Variants in AR observed in about 807,000 individuals in gnomAD.
AR encodes the protein dihydrotestosterone receptor.
AR carries 8 observed loss-of-function variants against 53.9 expected under a neutral mutation model. The observed-to-expected ratio is 0.15, with a 90% CI of 0.09 to 0.27. The LOEUF (loss-of-function observed/expected upper bound fraction) is 0.27. Ranked by LOEUF, AR falls within the 10% of genes least tolerant of loss-of-function variation. The probability of loss-of-function intolerance (pLI) is 1.00; values close to 1 mark genes in which losing one functional copy is unlikely to be tolerated. For missense variants in AR, 639 were observed against 742.5 expected (o/e 0.86, Z 1.62); for synonymous variants, 359 against 316.4 (o/e 1.13, Z -1.43).
intron 1 of AR, among the ~76,000 whole-genome samples, chrX:67,604,677 G>A (rs1214150997): frequency 9.0e-6 from 1 of 111,435 alleles, no homozygotes; most frequent in East Asian, 2.8e-4. Context: ...CAAACTTACT[G>A]AGGTTCAAGA....
chrX:67,690,273 T>G (rs1025166460), intron 3 of AR, among the ~76,000 whole-genome samples: 3 of 112,089 alleles, frequency 2.7e-5, no homozygotes, highest in Non-Finnish European at 3.8e-5. Context: ...AAACTTAACA[T>G]ATCTACAGGT....
At chrX:67,648,414 A>G (rs1926156735) in intron 2 of AR, among the ~76,000 whole-genome samples, 2 of 110,697 alleles carry the variant, frequency 1.8e-5, no homozygotes, top group Admixed American at 1.9e-4. Flanking sequence ...GGCTTTGGGG[A>G]CTCTCTGGTA....
Position 67,695,514 on chromosome X carries a change from C to A in AR, c.1885+9388C>A, listed in dbSNP as rs961948276. 6 of 751,940 alleles carry A rather than the reference C, an allele frequency of 8.0e-6. No individual in the cohort carries two copies. The African/African-American group carries it at 1.4e-4, about 17-fold the overall frequency. The allele number at this position is 751,940 out of a possible 1,213,427, so 62.0% of individuals were successfully genotyped here. ...CTTCATCAGTTGTAAGCCTCTCATT[C>A]TTCTCCCAAGCCAGACTCAAATATT... On this transcript the variant is annotated intron_variant, in intron 3 of 7. Coordinates refer to ENST00000374690, the MANE Select transcript of AR (RefSeq NM_000044.6).
Position 67,612,433 on chromosome X carries a change from A to G in AR, c.1617-30823A>G, listed in dbSNP as rs143478414. Reference sequence around the variant, plus strand: ...TATGCACTGTAGTCACTTGACCTCTAGCACCTATGCAGTCTTCCAGTCTTA... The same window carrying G: ...TATGCACTGTAGTCACTTGACCTCTGGCACCTATGCAGTCTTCCAGTCTTA... On this transcript the variant is annotated intron_variant, in intron 1 of 7. Coordinates refer to ENST00000374690, the MANE Select transcript of AR (RefSeq NM_000044.6). Among the ~76,000 whole-genome samples the G allele has an allele frequency of 7.2e-3, 807 of 112,470 alleles. 2 individuals are homozygous for G. The highest frequency in any genetic ancestry group is 0.019 in the Middle Eastern group (4 of 216).
In AR at chrX:67,556,243, G is replaced by A. The variant is rs760492105; in HGVS notation, c.1616+9481G>A. 2.7e-5 allele frequency among the ~76,000 whole-genome samples: 3 copies of A among 111,945 alleles called. No homozygotes were observed. In the East Asian group the frequency reaches 8.5e-4, roughly 32 times the overall value. Reference sequence around the variant, plus strand: ...GTTTACAATCAAACAGCTTCAAAGTGACTGATCTGGAATTTCAGTCCCATT... The same window carrying A: ...GTTTACAATCAAACAGCTTCAAAGTAACTGATCTGGAATTTCAGTCCCATT... On this transcript the variant is annotated intron_variant, in intron 1 of 7. Transcript: ENST00000374690.
At position 67,729,738 on chromosome X, in the gene AR, A is replaced by T; in HGVS notation, c.*5897A>T. The T allele has an allele frequency of 5.7e-6, 1 of 174,251 alleles. No homozygotes were observed. 14.4% of individuals were successfully genotyped at this position (174,251 alleles called of 1,213,427 possible). A position where few individuals can be genotyped will look rare whatever the true frequency, so the allele number is the denominator to read the frequency against. ...CATTGCCCACCAAAGACTAGAACAC[A>T]CACATATCCATACACCAAAGGAAAG... On this transcript the variant is annotated 3_prime_UTR_variant, in exon 8 of 8. Transcript: ENST00000374690.
intron 3 of AR, among the ~76,000 whole-genome samples, chrX:67,688,886 G>A (rs1048690338): frequency 1.8e-5 from 2 of 111,565 alleles, no homozygotes; most frequent in African/African-American, 3.3e-5. Flanking sequence ...ATTCAAAGTG[G>A]CCCTTGTCTA....
intron 1 of AR, among the ~76,000 whole-genome samples, chrX:67,593,321 G>A (rs1007857207): frequency 9.2e-6 from 1 of 108,593 alleles, no homozygotes; most frequent in Non-Finnish European, 1.9e-5. Flanking sequence ...TTGGGTTGGT[G>A]TCAGTAATTC....
chrX:67,703,910 C>T (rs958321266), intron 3 of AR, among the ~76,000 whole-genome samples: 1 of 111,294 alleles, frequency 9.0e-6, no homozygotes, highest in African/African-American at 3.3e-5. Flanking sequence ...GCTTTTTGTC[C>T]TTGAGATAGT....
chrX:67,546,739 C>T lies in AR; in HGVS notation c.1593C>T (p.Tyr531=), dbSNP rs2147323317. Residue 531 remains tyrosine, a synonymous_variant, in exon 1 of 8, where the codon TAC becomes TAT. Transcript: ENST00000374690. ...KSEMGPWMDS[Y]SGPYGDMRLE... ...AAATGGGCCCCTGGATGGATAGCTACTCCGGACCTTACGGGGACATGCGGT... is the reference window on the plus strand; with the variant it reads ...AAATGGGCCCCTGGATGGATAGCTATTCCGGACCTTACGGGGACATGCGGT... 4 of 1,208,072 alleles carry T rather than the reference C, an allele frequency of 3.3e-6. No homozygotes were observed. Among genetic ancestry groups the T allele is most frequent in the Non-Finnish European group, 4.5e-6 (4 of 893,681 alleles).
chrX:67,557,414 T>C (rs952593677), intron 1 of AR, among the ~76,000 whole-genome samples: 1 of 112,189 alleles, frequency 8.9e-6, no homozygotes, highest in African/African-American at 3.2e-5. Flanking sequence ...AGCAGGTGCA[T>C]GGGCAGGGTA....
At chrX:67,709,693 C>T (rs1357069409) in intron 3 of AR, among the ~76,000 whole-genome samples, 1 of 112,229 alleles carries the variant, frequency 8.9e-6, no homozygotes, top group African/African-American at 3.2e-5. Flanking sequence ...CCCGGTACCT[C>T]AGTCGGAAAT....
chrX:67,627,193 G>A (rs920775151), intron 1 of AR, among the ~76,000 whole-genome samples: 17 of 111,361 alleles, frequency 1.5e-4, no homozygotes, highest in African/African-American at 5.3e-4. Context: ...CTAGATCCCT[G>A]AGGAATCACC....
At chrX:67,622,470 A>T (rs1415268175) in intron 1 of AR, among the ~76,000 whole-genome samples, 1 of 112,098 alleles carries the variant, frequency 8.9e-6, no homozygotes, top group Non-Finnish European at 1.9e-5. Flanking sequence ...ATACGCTGTT[A>T]AAAAACACTT....
intron 1 of AR, among the ~76,000 whole-genome samples, chrX:67,604,020 A>G (rs1251859472): frequency 9.0e-6 from 1 of 111,000 alleles, no homozygotes; most frequent in Admixed American, 9.7e-5. Flanking sequence ...AGTCAGGATT[A>G]GTACCAAGAC....
At chrX:67,665,919 TA>T (rs1431901310) in intron 2 of AR, among the ~76,000 whole-genome samples, 6 of 111,311 alleles carry the variant, frequency 5.4e-5, no homozygotes, top group Non-Finnish European at 1.1e-4. Flanking sequence ...ATTTTAAAGT[TA>T]TTTTTTATTT....
At chrX:67,662,490 A>G (rs1484686979) in intron 2 of AR, among the ~76,000 whole-genome samples, 1 of 111,496 alleles carries the variant, frequency 9.0e-6, no homozygotes, top group Non-Finnish European at 1.9e-5. Context: ...GTTTCCATGT[A>G]GTTGAGCGGT....
chrX:67,725,604 C>T lies in AR; in HGVS notation c.*1763C>T, dbSNP rs756204519. 8 of 173,948 alleles carry T rather than the reference C, an allele frequency of 4.6e-5. No individual in the cohort carries two copies. The highest frequency in any genetic ancestry group is 3.2e-4 in the South Asian group (1 of 3,144). The allele number at this position is 173,948 out of a possible 1,213,427, so 14.3% of individuals were successfully genotyped here. On this transcript the variant is annotated 3_prime_UTR_variant, in exon 8 of 8. Coordinates refer to ENST00000374690, the MANE Select transcript of AR (RefSeq NM_000044.6). The stretch of plus-strand genomic sequence containing the variant: ...CTGACTACTGAATTAAAATCTTCAG[C>T]GGCAAAGCCTAAAGCCAGATGGACA...
chrX:67,577,274 T>C (rs1922098714), intron 1 of AR, among the ~76,000 whole-genome samples: 1 of 111,437 alleles, frequency 9.0e-6, no homozygotes, highest in Admixed American at 9.6e-5. Flanking sequence ...TTTCCAAGGT[T>C]CATCTGCATT....
Sources: allele counts gnomAD v4.1 joint callset (sites outside exome capture counted in the v4.1 genomes callset), GRCh38; gene constraint gnomAD v4.1.1; transcripts MANE v1.5; gene names NCBI Gene and HGNC (gene_info 2026-07-23, HGNC 2026-07-21).